SAP130: variants seen among roughly 807,000 people sequenced by gnomAD.
SAP130 encodes the protein Sin3A associated protein 130.
Under a neutral mutation model 103.2 loss-of-function variants are expected in SAP130, and 16 were observed. The ratio of observed to expected loss-of-function variants is 0.16; its 90% CI spans 0.10 to 0.24. The LOEUF (loss-of-function observed/expected upper bound fraction) is 0.24, where lower values mean the gene tolerates loss of function less well. Ranked by LOEUF, SAP130 falls within the 10% of genes least tolerant of loss-of-function variation. The pLI, the probability that SAP130 is intolerant of heterozygous loss-of-function variation, is 1.00. For missense variants in SAP130, 990 were observed against 1,359.7 expected (o/e 0.73, Z 4.28); for synonymous variants, 477 against 497.0 (o/e 0.96, Z 0.53).
chr2:127,964,674 T>C (rs1680513929), intron 15 of SAP130, among the ~76,000 whole-genome samples: 1 of 151,304 alleles, frequency 6.6e-6, no homozygotes, highest in South Asian at 2.1e-4. Context: ...AAACAATAAA[T>C]ATAAAAACAG....
At position 127,961,372 on chromosome 2, in the gene SAP130, T is replaced by G. The variant is rs973112957; in HGVS notation, c.2064-6028A>C. On this transcript the variant is annotated intron_variant, in intron 15 of 20. Coordinates refer to ENST00000643581, the MANE Select transcript of SAP130 (RefSeq NM_001330301.2). ...TATGTTGCCCAGGCTGGTCTCAAAC[T>G]CCTGAGCTCAACTGATCCTCCCATC... is the stretch of plus-strand genomic sequence containing the variant. Among the ~76,000 whole-genome samples, 6 of 151,502 alleles carry G rather than the reference T, an allele frequency of 4.0e-5. No individual in the cohort carries two copies. The East Asian group carries it at 9.7e-4, about 25-fold the overall frequency.
At chr2:128,000,926 C>A (rs1387177736) in intron 7 of SAP130, among the ~76,000 whole-genome samples, 3 of 151,874 alleles carry the variant, frequency 2.0e-5, no homozygotes, top group African/African-American at 7.3e-5. Flanking sequence ...AAAATAATTG[C>A]ACTGAACTCT....
At chr2:127,973,195 C>T (rs1245835308) in intron 15 of SAP130, among the ~76,000 whole-genome samples, 2 of 152,166 alleles carry the variant, frequency 1.3e-5, no homozygotes, top group Admixed American at 6.6e-5. Context: ...ATCACCAGCA[C>T]GGACTTCTAC....
At chr2:128,009,442 G>A (rs1684224156) in intron 7 of SAP130, among the ~76,000 whole-genome samples, 1 of 152,150 alleles carries the variant, frequency 6.6e-6, no homozygotes, top group Admixed American at 6.5e-5. Context: ...CTATACTCCA[G>A]CCTGGGTGAC....
At chr2:128,009,622 C>T (rs867641800) in intron 7 of SAP130, among the ~76,000 whole-genome samples, 13 of 152,190 alleles carry the variant, frequency 8.5e-5, no homozygotes, top group African/African-American at 2.9e-4. Flanking sequence ...GCTGAACCAA[C>T]TGAAACTTCA....
At chr2:127,945,915 A>G (rs2104694322) in intron 18 of SAP130, among the ~76,000 whole-genome samples, 2 of 152,268 alleles carry the variant, frequency 1.3e-5, no homozygotes, top group South Asian at 4.1e-4. Flanking sequence ...GGCCTCCCAA[A>G]GTGTTGGGAT....
At chr2:127,985,169 T>C (rs1238633919) in intron 14 of SAP130, among the ~76,000 whole-genome samples, 1 of 152,232 alleles carries the variant, frequency 6.6e-6, no homozygotes, top group African/African-American at 2.4e-5. Context: ...AAAAGTTATA[T>C]AGGGTTATGA....
intron 2 of SAP130, among the ~76,000 whole-genome samples, chr2:128,020,265 T>C (rs1245874241): frequency 6.6e-6 from 1 of 152,198 alleles, no homozygotes; most frequent in East Asian, 1.9e-4. Flanking sequence ...AGCACCCAGC[T>C]CAAGATAGAA....
At chr2:127,964,597 T>C (rs1412172842) in intron 15 of SAP130, among the ~76,000 whole-genome samples, 1 of 150,384 alleles carries the variant, frequency 6.6e-6, no homozygotes, top group African/African-American at 2.5e-5. Flanking sequence ...TAGAAGAAAG[T>C]TCATGGCCTT....
intron 15 of SAP130, among the ~76,000 whole-genome samples, chr2:127,970,782 C>CACAT (rs1416800488): frequency 1.3e-5 from 2 of 152,024 alleles, no homozygotes; most frequent in African/African-American, 4.8e-5. Flanking sequence ...CTTGACTAAC[C>CACAT]ACATCTGCAA....
At chr2:127,969,223 A>G (rs1014922290) in intron 15 of SAP130, among the ~76,000 whole-genome samples, 1 of 152,152 alleles carries the variant, frequency 6.6e-6, no homozygotes, top group Non-Finnish European at 1.5e-5. Context: ...TTCCATGGGA[A>G]GAAGGATAAA....
chr2:127,985,932 C>T (rs879612673), intron 14 of SAP130, among the ~76,000 whole-genome samples: 1 of 152,088 alleles, frequency 6.6e-6, no homozygotes, highest in East Asian at 1.9e-4. Context: ...ACATGACAGA[C>T]GCTGGCATGC....
At chr2:127,967,041 T>C (rs1028988219) in intron 15 of SAP130, among the ~76,000 whole-genome samples, 4 of 152,114 alleles carry the variant, frequency 2.6e-5, no homozygotes, top group South Asian at 2.1e-4. Flanking sequence ...AGAAAATGGA[T>C]GTTAAATCCA....
chr2:128,000,506 TCTC>T, intron 7 of SAP130, 52 bp from the exon 8 acceptor site: 1 of 1,601,650 alleles, frequency 6.2e-7, no homozygotes, highest in South Asian at 1.1e-5. Context: ...TTTACAATCT[TCTC>T]CTAGGTTAGT....
intron 15 of SAP130, among the ~76,000 whole-genome samples, chr2:127,970,800 AT>A (rs759558521): frequency 6.6e-6 from 1 of 152,064 alleles, no homozygotes; most frequent in African/African-American, 2.4e-5. Flanking sequence ...CAATGACCCT[AT>A]TTCCAAATAA....
intron 18 of SAP130, among the ~76,000 whole-genome samples, chr2:127,946,306 T>C (rs779395099): frequency 6.6e-5 from 10 of 152,290 alleles, no homozygotes; most frequent in Middle Eastern, 3.4e-3. Flanking sequence ...AATGAAGATA[T>C]AGCCTAGACT....
intron 7 of SAP130, among the ~76,000 whole-genome samples, chr2:128,000,872 C>T (rs1683511345): frequency 6.6e-6 from 1 of 152,036 alleles, no homozygotes; most frequent in Admixed American, 6.6e-5. Context: ...TGCACTCCAG[C>T]CTGGGGGACA....
intron 15 of SAP130, among the ~76,000 whole-genome samples, chr2:127,975,598 G>A (rs751184703): frequency 5.9e-5 from 9 of 152,276 alleles, no homozygotes; most frequent in Middle Eastern, 6.8e-3. Flanking sequence ...AGGCTGAAGC[G>A]TTGAAGTTAG....
At chr2:128,006,291 T>A (rs964421758) in intron 7 of SAP130, among the ~76,000 whole-genome samples, 75 of 152,328 alleles carry the variant, frequency 4.9e-4, no homozygotes, top group Admixed American at 1.6e-3. Flanking sequence ...AAGAAAGTGA[T>A]AGAAAATAAA....
Sources: allele counts gnomAD v4.1 joint callset (sites outside exome capture counted in the v4.1 genomes callset), GRCh38; gene constraint gnomAD v4.1.1; transcripts MANE v1.5; gene names NCBI Gene and HGNC (gene_info 2026-07-23, HGNC 2026-07-21).